Variants in PRR5L observed in about 807,000 individuals in gnomAD.
PRR5L encodes the protein proline-rich protein 5-like.
PRR5L carries 21 observed loss-of-function variants against 36.4 expected under a neutral mutation model. That is an observed-to-expected ratio of 0.58 (90% confidence interval 0.41 to 0.83). PRR5L has a LOEUF of 0.83. PRR5L is among the 40% of genes least tolerant of loss of function. PRR5L has a pLI of 0.00. For missense variants in PRR5L, 381 were observed against 473.3 expected (o/e 0.80, Z 1.81); for synonymous variants, 188 against 197.0 (o/e 0.95, Z 0.38).
intron 1 of PRR5L, among the ~76,000 whole-genome samples, chr11:36,298,510 G>A (rs868516343): frequency 5.9e-5 from 9 of 152,110 alleles, no homozygotes; most frequent in Admixed American, 3.3e-4. Context: ...CCTCACATGC[G>A]CAGTTCACAA....
Position 36,403,597 on chromosome 11 carries a change from T to C in PRR5L, c.245+219T>C, listed in dbSNP as rs575318010. On this transcript the variant is annotated intron_variant, in intron 3 of 8. Coordinates refer to ENST00000530639, the MANE Select transcript of PRR5L (RefSeq NM_001160167.2). ...AGAGAATCATTTGTTCAGTATGTAG[T>C]GTGTTTTGTAGGGGAAGGGGTGGAG... Among the ~76,000 whole-genome samples, 23 of 152,162 alleles carry C rather than the reference T, an allele frequency of 1.5e-4. No homozygotes were observed. In the South Asian group the frequency reaches 4.1e-3, roughly 27 times the overall value.
intron 1 of PRR5L, among the ~76,000 whole-genome samples, chr11:36,302,771 C>T (rs1298381641): frequency 6.6e-6 from 1 of 151,900 alleles, no homozygotes; most frequent in East Asian, 1.9e-4. Flanking sequence ...GCCTGGGTGA[C>T]GGAGCGAGAC....
rs111262900 is a variant in PRR5L at position 36,372,398 on chromosome 11, G to A, written c.-125-28599G>A. On this transcript the variant is annotated intron_variant, in intron 1 of 8. Coordinates refer to ENST00000530639, the MANE Select transcript of PRR5L (RefSeq NM_001160167.2). ...ATCACAAGGCAGCCTCTCAGGGAGG[G>A]CCTCTGCTTCTCCTGGTCTTGATGT... 4.4e-3 allele frequency among the ~76,000 whole-genome samples: 667 copies of A among 152,308 alleles called. 3 individuals are homozygous for A. The highest frequency in any genetic ancestry group is 0.015 in the African/African-American group (640 of 41,564).
chr11:36,459,212 T>G (rs766531847), intron 8 of PRR5L, among the ~76,000 whole-genome samples: 15 of 152,256 alleles, frequency 9.9e-5, no homozygotes, highest in Middle Eastern at 3.4e-3. Flanking sequence ...ATACCAGGCC[T>G]AGGTGGCAGA....
intron 1 of PRR5L, among the ~76,000 whole-genome samples, chr11:36,373,616 A>G (rs1312738978): frequency 6.6e-6 from 1 of 151,414 alleles, no homozygotes; most frequent in Non-Finnish European, 1.5e-5. Flanking sequence ...AAAAAAAAAG[A>G]AAGAAAAAAT....
At chr11:36,446,936 C>T (rs1181169486) in intron 7 of PRR5L, among the ~76,000 whole-genome samples, 1 of 152,206 alleles carries the variant, frequency 6.6e-6, no homozygotes, top group Non-Finnish European at 1.5e-5. Context: ...TGTCTGTCTT[C>T]ATCTTATCCT....
chr11:36,368,484 C>T lies in PRR5L; in HGVS notation c.-125-32513C>T, dbSNP rs190748580. Among the ~76,000 whole-genome samples the T allele has an allele frequency of 2.6e-5, 4 of 152,202 alleles. No homozygotes were observed. In the East Asian group the frequency reaches 7.7e-4, roughly 29 times the overall value. The stretch of plus-strand genomic sequence containing the variant: ...GAAAAGCAGAGTTCACTTTGAACAG[C>T]GATTCTCAAAATGTAGTTCAGGGAC... On this transcript the variant is annotated intron_variant, in intron 1 of 8. Coordinates refer to ENST00000530639, the MANE Select transcript of PRR5L (RefSeq NM_001160167.2).
chr11:36,452,278 A>C (rs1426687309), intron 8 of PRR5L, among the ~76,000 whole-genome samples: 1 of 152,140 alleles, frequency 6.6e-6, no homozygotes, highest in African/African-American at 2.4e-5. Context: ...GGATTACTCA[A>C]ATTGGGAACC....
At chr11:36,445,117 G>A (rs974223648) in intron 6 of PRR5L, among the ~76,000 whole-genome samples, 1 of 152,004 alleles carries the variant, frequency 6.6e-6, no homozygotes, top group Admixed American at 6.5e-5. Context: ...GGATGTGGGG[G>A]GTCAGGGGAT....
chr11:36,462,746 C>T lies in PRR5L; in HGVS notation c.*10C>T. On this transcript the variant is annotated 3_prime_UTR_variant, in exon 9 of 9. Transcript: ENST00000530639. ...TGCTTCCCTCAGCTGAGTCGCCACC[C>T]CTGGGCCTTTCCATCTCCTGTTTTG... is the stretch of plus-strand genomic sequence containing the variant. 1 of 1,518,838 alleles carries T rather than the reference C, an allele frequency of 6.6e-7. No individual in the cohort carries two copies. Among genetic ancestry groups the T allele is most frequent in the Admixed American group, 2.2e-5 (1 of 46,130 alleles). The allele number at this position is 1,518,838 out of a possible 1,614,324, so 94.1% of individuals were successfully genotyped here.
At chr11:36,305,922 G>A (rs61878688) in intron 1 of PRR5L, among the ~76,000 whole-genome samples, 46,076 of 152,098 alleles carry the variant, frequency 0.3, 7,104 homozygotes, top group Non-Finnish European at 0.33. Flanking sequence ...CTGTTATTAA[G>A]TAAAGTAAGG....
At chr11:36,375,159 C>T (rs1297037076) in intron 1 of PRR5L, among the ~76,000 whole-genome samples, 1 of 151,532 alleles carries the variant, frequency 6.6e-6, no homozygotes, top group East Asian at 1.9e-4. Context: ...TCCTTGAACC[C>T]GGGGAGGTGG....
At chr11:36,456,981 C>T (rs181206318) in intron 8 of PRR5L, among the ~76,000 whole-genome samples, 1 of 152,336 alleles carries the variant, frequency 6.6e-6, no homozygotes, top group Admixed American at 6.5e-5. Context: ...GGGCAGCCCC[C>T]CTCTGGCTCC....
At chr11:36,325,810 T>C (rs1054155227) in intron 1 of PRR5L, among the ~76,000 whole-genome samples, 3 of 152,192 alleles carry the variant, frequency 2.0e-5, no homozygotes, top group African/African-American at 7.2e-5. Flanking sequence ...TAATTTTTAT[T>C]GATGGCAATT....
Position 36,353,150 on chromosome 11 carries a change from G to A in PRR5L, c.-125-47847G>A, listed in dbSNP as rs533554300. 4.6e-5 allele frequency among the ~76,000 whole-genome samples: 7 copies of A among 152,174 alleles called. No individual in the cohort carries two copies. In the East Asian group the frequency reaches 1.2e-3, roughly 25 times the overall value. On this transcript the variant is annotated intron_variant, in intron 1 of 8. Coordinates refer to ENST00000530639, the MANE Select transcript of PRR5L (RefSeq NM_001160167.2). ...GTTTAGCAGCATCTCTGTCTTGCAC[G>A]TCATATGTTCGGCAGCATCCTTGCC...
intron 1 of PRR5L, among the ~76,000 whole-genome samples, chr11:36,353,815 C>T (rs1277772644): frequency 1.3e-5 from 2 of 152,164 alleles, no homozygotes; most frequent in African/African-American, 4.8e-5. Context: ...TGCTCTGTGG[C>T]CCCATTCCTA....
chr11:36,443,915 G>A (rs756868880), intron 6 of PRR5L, among the ~76,000 whole-genome samples: 1 of 152,164 alleles, frequency 6.6e-6, no homozygotes, highest in Non-Finnish European at 1.5e-5. Flanking sequence ...TAAGACAGTA[G>A]GCTCTCTTAT....
intron 1 of PRR5L, among the ~76,000 whole-genome samples, chr11:36,352,565 T>TCA (rs1856986597): frequency 1.3e-5 from 2 of 152,170 alleles, no homozygotes; most frequent in Non-Finnish European, 2.9e-5. Context: ...GTTAAACAAC[T>TCA]TGCCTACAGG....
chr11:36,327,493 T>C (rs1011838556), intron 1 of PRR5L, among the ~76,000 whole-genome samples: 1 of 152,216 alleles, frequency 6.6e-6, no homozygotes, highest in African/African-American at 2.4e-5. Flanking sequence ...CCAAAATATA[T>C]TTCTTTGACA....
Sources: gnomAD v4.1 joint callset for allele counts (sites outside exome capture counted in the v4.1 genomes callset) on GRCh38, gnomAD v4.1.1 for gene constraint, MANE v1.5 for transcripts, NCBI Gene and HGNC (gene_info 2026-07-23, HGNC 2026-07-21) for gene names.